CAMSAP1: variants seen among roughly 807,000 people sequenced by gnomAD.
CAMSAP1 encodes calmodulin-regulated spectrin-associated protein 1.
In CAMSAP1, 58 loss-of-function variants were observed where a neutral mutation model predicts 143.5. The observed-to-expected ratio is 0.40, with a 90% confidence interval of 0.33 to 0.50. The LOEUF (loss-of-function observed/expected upper bound fraction) is 0.50. CAMSAP1 is among the 20% of genes least tolerant of loss of function. CAMSAP1 has a pLI of 0.45. For synonymous variants in CAMSAP1, 945 were observed against 859.3 expected (o/e 1.10, Z -1.74); for missense variants, 1,969 against 2,115.7 (o/e 0.93, Z 1.36).
At chr9:135,840,914 T>C in intron 7 of CAMSAP1, among the ~76,000 whole-genome samples, 1 of 152,176 alleles carries the variant, frequency 6.6e-6, no homozygotes, top group East Asian at 1.9e-4. Flanking sequence ...AGCACAAAAC[T>C]GGGCGACCAT....
At position 135,850,221 on chromosome 9, in the gene CAMSAP1, C is replaced by T; in HGVS notation, c.961G>A (p.Val321Ile). The T allele has an allele frequency of 3.1e-6, 5 of 1,613,216 alleles. No homozygotes were observed. The highest frequency in any genetic ancestry group is 4.2e-6 in the Non-Finnish European group (5 of 1,179,584). The change falls in exon 7 of 17, where the codon GTT becomes ATT. Residue 321 changes from valine to isoleucine, a missense_variant. This residue lies in a region of CAMSAP1 where 221 missense variants were observed against 298.2 expected (regional missense o/e 0.74). Transcript: ENST00000389532. ...APLVLKPNVMVFIAELFWWFE... is the reference protein window; with the variant it reads ...APLVLKPNVMIFIAELFWWFE... ...CACCAAAAAAGCTCCGCAATAAAAA[C>T]CATAACATTCGGCTAAAAGACAAAA...
intron 16 of CAMSAP1, among the ~76,000 whole-genome samples, chr9:135,813,415 TA>T (rs770126180): frequency 1.7e-4 from 26 of 152,256 alleles, no homozygotes; most frequent in Non-Finnish European, 3.4e-4. Flanking sequence ...ACGTATTTTT[TA>T]AAAGAATCCA....
rs761328258 is a variant in CAMSAP1 at position 135,821,887 on chromosome 9, T to A, written c.2774A>T (p.Glu925Val). The stretch of plus-strand genomic sequence containing the variant: ...CTCCGGCCTGAGGGGTGGGGCAGCC[T>A]CGGCCTTGCCCTTCTTCACCACATG... Reference protein sequence around the residue: ...FLHVVKKGKAEAAPPLRPEHF... With the variant: ...FLHVVKKGKAVAAPPLRPEHF... The change falls in exon 11 of 17, where the codon GAG becomes GTG. Residue 925 changes from glutamate to valine, a missense_variant. Physicochemically the swap from Glu to Val is moderately radical, Grantham distance 121 (BLOSUM62 -2). This residue lies in a region of CAMSAP1 where 1,390 missense variants were observed against 1,420.8 expected (regional missense o/e 0.98). Transcript: ENST00000389532. The surrounding 1 kb of genome is among the most constrained non-coding windows in gnomAD (Gnocchi z 4.6). The A allele has an allele frequency of 6.2e-7, 1 of 1,613,988 alleles. No individual in the cohort carries two copies. Among genetic ancestry groups the A allele is most frequent in the Middle Eastern group, 1.6e-4 (1 of 6,062 alleles).
intron 7 of CAMSAP1, among the ~76,000 whole-genome samples, chr9:135,834,118 C>A (rs745873632): frequency 1.3e-5 from 2 of 152,102 alleles, no homozygotes; most frequent in Admixed American, 6.5e-5. Flanking sequence ...GCATCACACA[C>A]CTGTCAGGAT....
At position 135,876,845 on chromosome 9, in the gene CAMSAP1, C is replaced by T. The variant is rs572646589; in HGVS notation, c.585+4788G>A. Among the ~76,000 whole-genome samples, 49 of 152,080 alleles carry T rather than the reference C, an allele frequency of 3.2e-4. 1 individual carries two copies. The South Asian group carries it at 1.0e-2, about 31-fold the overall frequency. ...CCAACATGATGAAACCCCGTCCCTA[C>T]TAAAAATACAAAAATTAGCCAGGTG... On this transcript the variant is annotated intron_variant, in intron 3 of 16. Coordinates refer to ENST00000389532, the MANE Select transcript of CAMSAP1 (RefSeq NM_015447.4).
chr9:135,818,385 G>A lies in CAMSAP1; in HGVS notation c.4168+23C>T, dbSNP rs76883014. 5,405 of 1,541,788 alleles carry A rather than the reference G, an allele frequency of 3.5e-3. 193 individuals carry two copies. In the African/African-American group the frequency reaches 0.067, roughly 19 times the overall value. On this transcript the variant is annotated intron_variant, in intron 13 of 16. Coordinates refer to ENST00000389532, the MANE Select transcript of CAMSAP1 (RefSeq NM_015447.4). This position sits in a 1 kb window ranked among gnomAD's most constrained non-coding sequence, Gnocchi z 7.7. Reference sequence around the variant, plus strand: ...CCGCCCGCGGAAGGAAGCGCTGCCCGCGTGAGGGCCGGGGCTGCTTACGGG... The same window carrying A: ...CCGCCCGCGGAAGGAAGCGCTGCCCACGTGAGGGCCGGGGCTGCTTACGGG...
intron 7 of CAMSAP1, among the ~76,000 whole-genome samples, chr9:135,829,691 G>A (rs567036247): frequency 3.3e-5 from 5 of 151,554 alleles, no homozygotes; most frequent in Non-Finnish European, 7.4e-5. Context: ...CATGTCTACC[G>A]AAAAAACAAA....
chr9:135,902,533 T>C (rs923235415), intron 1 of CAMSAP1, among the ~76,000 whole-genome samples: 1 of 152,152 alleles, frequency 6.6e-6, no homozygotes, highest in Non-Finnish European at 1.5e-5. Context: ...TAACGAAAAG[T>C]CACTACAAGG....
chr9:135,812,090 C>T (rs931712968), intron 16 of CAMSAP1, among the ~76,000 whole-genome samples: 1 of 152,208 alleles, frequency 6.6e-6, no homozygotes, highest in African/African-American at 2.4e-5. Flanking sequence ...AGCAATTCCT[C>T]TCTCACATAT....
chr9:135,818,954 C>T lies in CAMSAP1; in HGVS notation c.3959+56G>A. 1.9e-6 allele frequency: 3 copies of T among 1,583,820 alleles called. No individual in the cohort carries two copies. Among genetic ancestry groups the T allele is most frequent in the South Asian group, 1.1e-5 (1 of 88,014 alleles). ...AGTGCCAGCAACGGGACCGGGGCCGCCAGGGACCCACCAGGCTCCTGCTCA... is the reference window on the plus strand; with the variant it reads ...AGTGCCAGCAACGGGACCGGGGCCGTCAGGGACCCACCAGGCTCCTGCTCA... On this transcript the variant is annotated intron_variant, in intron 12 of 16. Transcript: ENST00000389532. The surrounding 1 kb of genome is among the most constrained non-coding windows in gnomAD (Gnocchi z 7.7).
chr9:135,893,767 T>C (rs528253627), intron 1 of CAMSAP1, among the ~76,000 whole-genome samples: 2 of 152,180 alleles, frequency 1.3e-5, no homozygotes, highest in Admixed American at 1.3e-4. Context: ...ACAGTAATAC[T>C]GACGAAATCC....
chr9:135,874,485 G>C (rs975346427), intron 3 of CAMSAP1, among the ~76,000 whole-genome samples: 10 of 149,714 alleles, frequency 6.7e-5, no homozygotes, highest in African/African-American at 2.5e-4. Flanking sequence ...AAAAGGGGGG[G>C]GGGGGCCACA....
chr9:135,843,051 G>C (rs1836417166), intron 7 of CAMSAP1, among the ~76,000 whole-genome samples: 1 of 152,184 alleles, frequency 6.6e-6, no homozygotes, highest in Non-Finnish European at 1.5e-5. Context: ...GACTGGGCCG[G>C]GTGTGGTGGC....
At chr9:135,842,898 G>A (rs145207988) in intron 7 of CAMSAP1, among the ~76,000 whole-genome samples, 1 of 152,318 alleles carries the variant, frequency 6.6e-6, no homozygotes, top group Non-Finnish European at 1.5e-5. Flanking sequence ...AAATTGTAAA[G>A]ACCATCAACA....
intron 7 of CAMSAP1, among the ~76,000 whole-genome samples, chr9:135,835,223 G>A (rs886386598): frequency 6.6e-6 from 1 of 152,062 alleles, no homozygotes; most frequent in African/African-American, 2.4e-5. Context: ...GCAAAGGAGG[G>A]GCTAGGACCC....
At position 135,843,697 on chromosome 9, in the gene CAMSAP1, C is replaced by T. The variant is rs1836446447; in HGVS notation, c.1045+6440G>A. Among the ~76,000 whole-genome samples, 10 of 151,760 alleles carry T rather than the reference C, an allele frequency of 6.6e-5. No individual in the cohort carries two copies. The South Asian group carries it at 2.1e-3, about 32-fold the overall frequency. ...CCATCCTGGCTAACACGCTGAAACC[C>T]CGTCTCTACTAAAAAATACAAAAAA... On this transcript the variant is annotated intron_variant, in intron 7 of 16. Transcript: ENST00000389532.
At chr9:135,904,049 AAG>A (rs1448208792) in intron 1 of CAMSAP1, among the ~76,000 whole-genome samples, 1 of 152,182 alleles carries the variant, frequency 6.6e-6, no homozygotes, top group African/African-American at 2.4e-5. Flanking sequence ...TGTAAATTTA[AAG>A]AGAGTCTCAA....
At chr9:135,906,073 A>C (rs1010552835) in intron 1 of CAMSAP1, among the ~76,000 whole-genome samples, 3 of 152,232 alleles carry the variant, frequency 2.0e-5, no homozygotes, top group Non-Finnish European at 4.4e-5. Flanking sequence ...AATCCCTAAA[A>C]CTTACAAAAC....
At chr9:135,816,947 G>C (rs192525561) in intron 14 of CAMSAP1, among the ~76,000 whole-genome samples, 1 of 152,134 alleles carries the variant, frequency 6.6e-6, no homozygotes, top group African/African-American at 2.4e-5. Flanking sequence ...GAGCGGTCCC[G>C]GGGCCCACCT....
Sources: gnomAD v4.1 joint callset for allele counts (sites outside exome capture counted in the v4.1 genomes callset) on GRCh38, gnomAD v4.1.1 for gene constraint, gnomAD v4.1.1 regional missense constraint, Gnocchi (gnomAD v3.1) non-coding constraint, MANE v1.5 for transcripts, NCBI Gene and HGNC (gene_info 2026-07-23, HGNC 2026-07-21) for gene names.